The following ECT2 variants were observed in gnomAD, a reference collection of about 807,000 sequenced individuals.
The protein encoded by ECT2 is epithelial cell transforming 2.
ECT2 carries 61 observed loss-of-function variants against 116.9 expected under a neutral mutation model. The ratio of observed to expected loss-of-function variants is 0.52; its 90% CI spans 0.42 to 0.65. ECT2 has a LOEUF of 0.65. Among genes scored for constraint, ECT2 ranks in the 30% least tolerant of loss-of-function variants. The probability of loss-of-function intolerance (pLI) is 0.00; values close to 1 mark genes in which losing one functional copy is unlikely to be tolerated. For missense variants in ECT2, 937 were observed against 1,078.7 expected (o/e 0.87, Z 1.84); for synonymous variants, 358 against 346.4 (o/e 1.03, Z -0.37).
chr3:172,775,359 A>C (rs1260140940), intron 14 of ECT2, among the ~76,000 whole-genome samples: 1 of 152,192 alleles, frequency 6.6e-6, no homozygotes, highest in Non-Finnish European at 1.5e-5. Context: ...AGATCTATAA[A>C]TTATTTAAAA....
intron 17 of ECT2, among the ~76,000 whole-genome samples, 179 bp downstream of exon 17, chr3:172,784,982 G>T (rs534041942): frequency 1.3e-5 from 2 of 152,124 alleles, no homozygotes. Context: ...ATTCAGCCTG[G>T]CCTGAAATAT....
intron 22 of ECT2, among the ~76,000 whole-genome samples, chr3:172,813,340 A>G (rs1207126789): frequency 6.6e-6 from 1 of 152,076 alleles, no homozygotes; most frequent in Non-Finnish European, 1.5e-5. Flanking sequence ...AATTGTTTTT[A>G]CAAATCACAT....
In ECT2 at chr3:172,754,311, T is replaced by G. The variant is rs1006346711; in HGVS notation, c.-22-198T>G. The stretch of plus-strand genomic sequence containing the variant: ...TTGATACATTGTTATTTTTATTATA[T>G]TCCTGTGAGTCAGGTATTAGTATGT... On this transcript the variant is annotated intron_variant, in intron 1 of 24. Transcript: ENST00000392692. 5.8e-5 allele frequency: 24 copies of G among 410,568 alleles called. No homozygotes were observed. In the South Asian group the frequency reaches 8.7e-4, roughly 15 times the overall value. The allele number at this position is 410,568 out of a possible 1,614,324, so 25.4% of individuals were successfully genotyped here.
Position 172,821,055 on chromosome 3 carries a change from CTGTT to C in ECT2, c.*822_*825del, listed in dbSNP as rs1730620016. Reference sequence around the variant, plus strand: ...GACCATGGGAAAATTGTGGTAAAGACTGTTTGTACCCTTCATGAAATAATTCTGA... The same window carrying C: ...GACCATGGGAAAATTGTGGTAAAGACTGTACCCTTCATGAAATAATTCTGA... On this transcript the variant is annotated 3_prime_UTR_variant, in exon 25 of 25. Coordinates refer to ENST00000392692, the MANE Select transcript of ECT2 (RefSeq NM_001258315.2). 1 of 151,836 alleles carries C rather than the reference CTGTT, an allele frequency of 6.6e-6. No individual in the cohort carries two copies. Among genetic ancestry groups the C allele is most frequent in the Admixed American group, 6.6e-5 (1 of 15,236 alleles). 9.4% of individuals were successfully genotyped at this position (151,836 alleles called of 1,614,324 possible).
In ECT2 at chr3:172,820,962, G is replaced by A. The variant is rs920987122; in HGVS notation, c.*725G>A. 2.6e-5 allele frequency: 4 copies of A among 151,808 alleles called. No homozygotes were observed. Among genetic ancestry groups the A allele is most frequent in the Non-Finnish European group, 1.5e-5 (1 of 67,778 alleles). 9.4% of individuals were successfully genotyped at this position (151,808 alleles called of 1,614,324 possible). On this transcript the variant is annotated 3_prime_UTR_variant, in exon 25 of 25. Coordinates refer to ENST00000392692, the MANE Select transcript of ECT2 (RefSeq NM_001258315.2). Reference sequence around the variant, plus strand: ...TTCAGAGAGAGTACGGTATATTTATGGTAATTTTATCCACTAGCAAATCTT... The same window carrying A: ...TTCAGAGAGAGTACGGTATATTTATAGTAATTTTATCCACTAGCAAATCTT...
intron 18 of ECT2, among the ~76,000 whole-genome samples, chr3:172,796,104 A>T (rs1381288374): frequency 6.6e-6 from 1 of 152,222 alleles, no homozygotes; most frequent in Non-Finnish European, 1.5e-5. Context: ...TAATAATTTT[A>T]AAATGTCTGT....
intron 7 of ECT2, among the ~76,000 whole-genome samples, chr3:172,760,802 G>A (rs900117941): frequency 7.3e-6 from 1 of 136,382 alleles, no homozygotes; most frequent in Non-Finnish European, 1.5e-5. Context: ...CTCACTGCAA[G>A]CTCCGCCTCC....
At chr3:172,808,477 A>G (rs1014127141) in intron 22 of ECT2, among the ~76,000 whole-genome samples, 3 of 152,218 alleles carry the variant, frequency 2.0e-5, no homozygotes, top group African/African-American at 4.8e-5. Flanking sequence ...TCATAAATAT[A>G]TAATTATCAT....
chr3:172,793,350 A>G (rs908206468), intron 18 of ECT2, among the ~76,000 whole-genome samples: 2 of 151,812 alleles, frequency 1.3e-5, no homozygotes, highest in African/African-American at 4.8e-5. Context: ...TTTTTAGTAG[A>G]GACGGGGTTT....
At chr3:172,787,693 C>A (rs1386480602) in intron 18 of ECT2, among the ~76,000 whole-genome samples, 1 of 152,110 alleles carries the variant, frequency 6.6e-6, no homozygotes, top group African/African-American at 2.4e-5. Context: ...ACTCTTGACA[C>A]ACATTATTTA....
At position 172,762,443 on chromosome 3, in the gene ECT2, T is replaced by C. The variant is rs771297084; in HGVS notation, c.786T>C (p.Phe262=). The C allele has an allele frequency of 3.8e-6, 6 of 1,596,240 alleles. No homozygotes were observed. The highest frequency in any genetic ancestry group is 3.4e-5 in the South Asian group (3 of 87,968). Residue 262 remains phenylalanine, a synonymous_variant, in exon 9 of 25, where the codon TTT becomes TTC. Coordinates refer to ENST00000392692, the MANE Select transcript of ECT2 (RefSeq NM_001258315.2). ...ATTTCTATGCAGCAGTTGATGACTT[T>C]AGAAATGAATTTAAAGTTCCTCCAT... is the stretch of plus-strand genomic sequence containing the variant. ...EQDFYAAVDD[F]RNEFKVPPFQ...
At position 172,783,965 on chromosome 3, in the gene ECT2, C is replaced by T. The variant is rs1381285474; in HGVS notation, c.1728+56C>T. 3.4e-5 allele frequency: 40 copies of T among 1,185,734 alleles called. No homozygotes were observed. In the Admixed American group the frequency reaches 9.2e-4, roughly 27 times the overall value. The allele number at this position is 1,185,734 out of a possible 1,614,324, so 73.5% of individuals were successfully genotyped here. Reference sequence around the variant, plus strand: ...GAGAATTATTTCTGAAGTAATTCACCACAATTATGACAAAAATGAAGTAAA... The same window carrying T: ...GAGAATTATTTCTGAAGTAATTCACTACAATTATGACAAAAATGAAGTAAA... On this transcript the variant is annotated intron_variant, in intron 16 of 24. Coordinates refer to ENST00000392692, the MANE Select transcript of ECT2 (RefSeq NM_001258315.2).
At chr3:172,783,669 T>C (rs1004561590) in intron 15 of ECT2, 130 bp from the exon 16 acceptor site, 7 of 619,572 alleles carry the variant, frequency 1.1e-5, no homozygotes, top group South Asian at 5.4e-5. Flanking sequence ...TTCTCAAACA[T>C]AGAAATTTAC....
At position 172,789,501 on chromosome 3, in the gene ECT2, G is replaced by C. The variant is rs145336696; in HGVS notation, c.1907+2927G>C. 8.0e-3 allele frequency among the ~76,000 whole-genome samples: 1,213 copies of C among 152,252 alleles called. 16 individuals are homozygous for C. Among genetic ancestry groups the C allele is most frequent in the African/African-American group, 0.028 (1,175 of 41,554 alleles). ...TTACAGGCATGAGCCACCACAGCCG[G>C]CCGGCACTTTGTTAAAATAAGACAG... is the stretch of plus-strand genomic sequence containing the variant. On this transcript the variant is annotated intron_variant, in intron 18 of 24. Transcript: ENST00000392692.
downstream of ECT2, among the ~76,000 whole-genome samples, chr3:172,823,378 T>C (rs911325835): frequency 1.3e-5 from 2 of 152,292 alleles, no homozygotes; most frequent in Admixed American, 1.3e-4. Flanking sequence ...TGTAAGACTA[T>C]CAACCTTAAA....
chr3:172,768,310 A>G lies in ECT2; in HGVS notation c.1292-697A>G, dbSNP rs75855716. Among the ~76,000 whole-genome samples the G allele has an allele frequency of 2.4e-3, 372 of 152,160 alleles. 2 individuals are homozygous for G. Among genetic ancestry groups the G allele is most frequent in the African/African-American group, 8.4e-3 (347 of 41,520 alleles). On this transcript the variant is annotated intron_variant, in intron 12 of 24. Transcript: ENST00000392692. ...ATTTTAGCTGTACAAAGATTCCTATACCTTTTACCCAGATTTCCCAAAGGG... is the reference window on the plus strand; with the variant it reads ...ATTTTAGCTGTACAAAGATTCCTATGCCTTTTACCCAGATTTCCCAAAGGG...
chr3:172,778,745 G>T (rs541691896), intron 14 of ECT2, among the ~76,000 whole-genome samples: 311 of 151,914 alleles, frequency 2.0e-3, no homozygotes, highest in African/African-American at 7.2e-3. Flanking sequence ...ACAGGCACGC[G>T]CCACCATGCC....
rs1729793809 is a variant in ECT2, at chr3:172,816,768, G to T, written c.2586G>T (p.Val862=). The part of the protein sequence containing the change: ...RRALMTSHGS[V]EGRSPSSNDK... ...CTCTTATGACATCCCACGGCTCAGT[G>T]GAGGGAAGAAGTCCTTCCAGCAATG... Residue 862 remains valine, a synonymous_variant, in exon 24 of 25, where the codon GTG becomes GTT. Transcript: ENST00000392692. 1 of 1,611,308 alleles carries T rather than the reference G, an allele frequency of 6.2e-7. No homozygotes were observed. The highest frequency in any genetic ancestry group is 8.5e-7 in the Non-Finnish European group (1 of 1,178,144).
At chr3:172,773,235 G>T (rs1335798156) in intron 13 of ECT2, among the ~76,000 whole-genome samples, 1 of 152,008 alleles carries the variant, frequency 6.6e-6, no homozygotes, top group Non-Finnish European at 1.5e-5. Context: ...TTAGCATCAT[G>T]AACATATATT....
Sources: gnomAD v4.1 joint callset for allele counts (sites outside exome capture counted in the v4.1 genomes callset) on GRCh38, gnomAD v4.1.1 for gene constraint, MANE v1.5 for transcripts, NCBI Gene and HGNC (gene_info 2026-07-23, HGNC 2026-07-21) for gene names.